TMEFF1: variants seen among roughly 807,000 people sequenced by gnomAD.
TMEFF1 encodes transmembrane protein with EGF like and two follistatin like domains 1, also known as tomoregulin-1.
Under a neutral mutation model 47.5 loss-of-function variants are expected in TMEFF1, and 20 were observed. The ratio of observed to expected loss-of-function variants is 0.42; its 90% CI spans 0.30 to 0.61. TMEFF1 has a LOEUF of 0.61. Among genes scored for constraint, TMEFF1 ranks in the 20% least tolerant of loss-of-function variants. The probability of loss-of-function intolerance (pLI) is 0.19; values close to 1 mark genes in which losing one functional copy is unlikely to be tolerated. For missense variants in TMEFF1, 411 were observed against 471.1 expected, an observed-to-expected ratio of 0.87 and a Z score of 1.18; for synonymous variants, 162 against 166.3, an observed-to-expected ratio of 0.97 and a Z score of 0.20.
chr9:100,497,318 G>GTTTTTTT (rs1328828062), intron 1 of TMEFF1, among the ~76,000 whole-genome samples: 4 of 84,898 alleles, frequency 4.7e-5, no homozygotes, highest in African/African-American at 9.5e-5. Flanking sequence ...TTCCACTCAT[G>GTTTTTTT]TCTTTTTTTT....
intron 5 of TMEFF1, among the ~76,000 whole-genome samples, chr9:100,519,889 A>T (rs545745183): frequency 6.6e-5 from 10 of 152,156 alleles, no homozygotes; most frequent in Non-Finnish European, 1.2e-4. Context: ...TTGCATTGTT[A>T]TCCAGCACTC....
At chr9:100,532,177 A>G (rs1460668665) in intron 5 of TMEFF1, among the ~76,000 whole-genome samples, 1 of 151,926 alleles carries the variant, frequency 6.6e-6, no homozygotes, top group Admixed American at 6.6e-5. Flanking sequence ...GGACATAGGC[A>G]TGGGCAAGGA....
At chr9:100,574,970 T>A (rs902455130) in intron 9 of TMEFF1, among the ~76,000 whole-genome samples, 1 of 152,224 alleles carries the variant, frequency 6.6e-6, no homozygotes, top group African/African-American at 2.4e-5. Flanking sequence ...TATTTCTAAC[T>A]ATGTCACAGT....
At chr9:100,551,756 A>C (rs1838830525) in intron 7 of TMEFF1, among the ~76,000 whole-genome samples, 1 of 152,248 alleles carries the variant, frequency 6.6e-6, no homozygotes, top group Non-Finnish European at 1.5e-5. Context: ...AGATATCTAA[A>C]ATATATGCAT....
At chr9:100,535,474 C>A (rs751523978) in intron 5 of TMEFF1, among the ~76,000 whole-genome samples, 2 of 152,056 alleles carry the variant, frequency 1.3e-5, no homozygotes, top group Non-Finnish European at 2.9e-5. Context: ...AGGAATGTAC[C>A]AGAAAATCTA....
chr9:100,498,688 C>T (rs1837703030), intron 1 of TMEFF1, 77 bp from the exon 2 acceptor site: 1 of 1,340,706 alleles, frequency 7.5e-7, no homozygotes, highest in Non-Finnish European at 1.0e-6. Context: ...TTTTCATACA[C>T]ACACACACAC....
intron 7 of TMEFF1, among the ~76,000 whole-genome samples, chr9:100,550,877 T>G (rs1196293024): frequency 6.6e-6 from 1 of 152,242 alleles, no homozygotes; most frequent in Non-Finnish European, 1.5e-5. Context: ...CAAGGTCTCA[T>G]GTAGTAAAGG....
chr9:100,551,848 A>C (rs1035782760), intron 7 of TMEFF1, among the ~76,000 whole-genome samples: 1 of 152,212 alleles, frequency 6.6e-6, no homozygotes, highest in African/African-American at 2.4e-5. Flanking sequence ...AAGTGTATAC[A>C]GTTTAAAAGT....
intron 8 of TMEFF1, among the ~76,000 whole-genome samples, chr9:100,564,526 A>G (rs532167772): frequency 6.6e-6 from 1 of 152,320 alleles, no homozygotes; most frequent in African/African-American, 2.4e-5. Flanking sequence ...CAAATAAGTA[A>G]TTATAATATG....
At chr9:100,489,388 A>G (rs1470816138) in intron 1 of TMEFF1, among the ~76,000 whole-genome samples, 1 of 151,976 alleles carries the variant, frequency 6.6e-6, no homozygotes, top group East Asian at 1.9e-4. Flanking sequence ...TGGGGGTTTC[A>G]CCATGTTGCC....
At chr9:100,513,269 GAAAAAT>G (rs1191941887) in intron 3 of TMEFF1, 32 bp from the exon 4 acceptor site, 2 of 1,575,364 alleles carry the variant, frequency 1.3e-6, no homozygotes, top group African/African-American at 2.8e-5. Context: ...AAATTTCCGG[GAAAAAT>G]GTTCATATTC....
chr9:100,507,061 C>G (rs1421403360), intron 2 of TMEFF1, among the ~76,000 whole-genome samples: 1 of 152,088 alleles, frequency 6.6e-6, no homozygotes, highest in Non-Finnish European at 1.5e-5. Context: ...GTCTGTTGTT[C>G]CCATCTTTAT....
At chr9:100,529,695 G>A in intron 5 of TMEFF1, among the ~76,000 whole-genome samples, 1 of 152,078 alleles carries the variant, frequency 6.6e-6, no homozygotes, top group Admixed American at 6.5e-5. Context: ...GAGACAGAAA[G>A]TCAACAAGGA....
chr9:100,505,371 C>G (rs1837837628), intron 2 of TMEFF1, among the ~76,000 whole-genome samples: 1 of 134,488 alleles, frequency 7.4e-6, no homozygotes, highest in Non-Finnish European at 1.5e-5. Context: ...TAGATTGCAC[C>G]ACTGCACTCC....
intron 7 of TMEFF1, among the ~76,000 whole-genome samples, chr9:100,554,531 G>T (rs1253576278): frequency 6.6e-6 from 1 of 152,034 alleles, no homozygotes; most frequent in East Asian, 1.9e-4. Flanking sequence ...GGGAGTAGTT[G>T]AGGTAGATGA....
chr9:100,533,074 T>C (rs1247790714), intron 5 of TMEFF1, among the ~76,000 whole-genome samples: 1 of 122,530 alleles, frequency 8.2e-6, no homozygotes, highest in East Asian at 2.5e-4. Context: ...AATATCACAC[T>C]CTGGGGACTA....
chr9:100,498,830 T>G lies in TMEFF1; in HGVS notation c.262T>G (p.Cys88Gly). Residue 88 changes from cysteine to glycine, a missense_variant, in exon 2 of 10, where the codon TGT (cysteine) becomes GGT (glycine). Coordinates refer to ENST00000374879, the MANE Select transcript of TMEFF1 (RefSeq NM_003692.5). ...GTCATCATGTAAATATGGAGGAGTC[T>G]GTAAAGAAGATGGAGATGGTTTGAA... ...DESSCKYGGV[C>G]KEDGDGLKCA... 6.2e-7 allele frequency: 1 copy of G among 1,614,034 alleles called. No homozygotes were observed. Among genetic ancestry groups the G allele is most frequent in the Non-Finnish European group, 8.5e-7 (1 of 1,179,936 alleles).
Position 100,547,879 on chromosome 9 carries a change from T to C in TMEFF1, c.696T>C (p.Leu232=). ...AAGAACAAATTGATATAAGGCATCT[T>C]GGTCATTGCACAGGTAAAATCCATT... ...IKQEQIDIRH[L]GHCTDTDDTS... is the part of the protein sequence containing the mutation. The change falls in exon 6 of 10, where the codon CTT becomes CTC. Residue 232 remains leucine (L), a synonymous_variant. Transcript: ENST00000374879. 6.2e-7 allele frequency: 1 copy of C among 1,602,902 alleles called. No homozygotes were observed. Among genetic ancestry groups the C allele is most frequent in the Non-Finnish European group, 8.5e-7 (1 of 1,176,130 alleles).
chr9:100,494,957 T>C (rs1248471577), intron 1 of TMEFF1, among the ~76,000 whole-genome samples: 1 of 152,200 alleles, frequency 6.6e-6, no homozygotes, highest in Admixed American at 6.5e-5. Flanking sequence ...TGTTAGTTGA[T>C]AGCCAGCAAC....
Sources: gnomAD v4.1 joint callset for allele counts (sites outside exome capture counted in the v4.1 genomes callset) on GRCh38, gnomAD v4.1.1 for gene constraint, MANE v1.5 for transcripts, NCBI Gene and HGNC (gene_info 2026-07-23, HGNC 2026-07-21) for gene names.